Variants in OTOF observed in about 807,000 individuals in gnomAD.
The protein encoded by OTOF is fer-1-like family member 2.
Under a neutral mutation model 236.8 loss-of-function variants are expected in OTOF, and 218 were observed. The observed-to-expected ratio is 0.92, with a 90% CI of 0.82 to 1.03. The LOEUF (loss-of-function observed/expected upper bound fraction) is 1.03. OTOF is among the 50% of genes least tolerant of loss of function. OTOF has a pLI of 0.00. For synonymous variants in OTOF, 1,041 were observed against 1,072.5 expected (o/e 0.97, Z 0.57); for missense variants, 2,590 against 2,694.4 (o/e 0.96, Z 0.86).
chr2:26,489,839 CA>C, intron 9 of OTOF, 99 bp from the exon 10 acceptor site: 1 of 891,926 alleles, frequency 1.1e-6, no homozygotes, highest in South Asian at 1.4e-5. Context: ...GTCTGCACCC[CA>C]GACATTTGCC....
intron 2 of OTOF, among the ~76,000 whole-genome samples, chr2:26,535,672 G>A (rs936319368): frequency 1.3e-5 from 2 of 152,106 alleles, no homozygotes; most frequent in African/African-American, 4.8e-5. Flanking sequence ...ACTGACTCTG[G>A]CTACCCCATC....
At chr2:26,540,120 G>T (rs1400407126) in intron 1 of OTOF, among the ~76,000 whole-genome samples, 1 of 152,176 alleles carries the variant, frequency 6.6e-6, no homozygotes, top group Non-Finnish European at 1.5e-5. Context: ...TTTTAGTAGA[G>T]ATGGGGTTTC....
At chr2:26,544,613 G>A (rs549560839) in intron 1 of OTOF, among the ~76,000 whole-genome samples, 20 of 152,164 alleles carry the variant, frequency 1.3e-4, no homozygotes, top group Non-Finnish European at 2.6e-4. Flanking sequence ...GTGCTTCTAG[G>A]GTTGGGCTAT....
chr2:26,495,090 G>C lies in OTOF; in HGVS notation c.766-17C>G, dbSNP rs1026247094. 1.2e-6 allele frequency: 2 copies of C among 1,613,990 alleles called. No homozygotes were observed. Among genetic ancestry groups the C allele is most frequent in the African/African-American group, 1.3e-5 (1 of 75,042 alleles). On this transcript the variant is annotated splice_polypyrimidine_tract_variant and intron_variant, in intron 8 of 46. Transcript: ENST00000272371. ...GATGCTGACCTGCAGGCAGGAGAAG[G>C]GGGAGCCAGAAGGAAAGCTGCCTGA...
chr2:26,459,814 C>T (rs552294147), intron 46 of OTOF, among the ~76,000 whole-genome samples, 194 bp downstream of exon 46: 8 of 152,220 alleles, frequency 5.3e-5, no homozygotes, highest in African/African-American at 1.9e-4. Flanking sequence ...TTTGTGTGGG[C>T]TTAAGTGTGT....
intron 2 of OTOF, 99 bp downstream of exon 2, chr2:26,537,617 T>C: frequency 1.1e-6 from 1 of 900,864 alleles, no homozygotes; most frequent in South Asian, 1.4e-5. Flanking sequence ...GGCCAGTGCC[T>C]GGGATTTGGG....
chr2:26,552,099 A>C (rs1055165608), intron 1 of OTOF, among the ~76,000 whole-genome samples: 21 of 151,008 alleles, frequency 1.4e-4, no homozygotes, highest in African/African-American at 4.9e-4. Context: ...GTTAAAAAAA[A>C]AAAAAAAAGG....
At chr2:26,485,461 G>C (rs1226931997) in intron 11 of OTOF, among the ~76,000 whole-genome samples, 1 of 152,170 alleles carries the variant, frequency 6.6e-6, no homozygotes, top group Non-Finnish European at 1.5e-5. Context: ...CTAAAGACAG[G>C]GATTGTCAGT....
chr2:26,555,782 T>C (rs925837274), intron 1 of OTOF, among the ~76,000 whole-genome samples: 2 of 152,068 alleles, frequency 1.3e-5, no homozygotes, highest in Non-Finnish European at 2.9e-5. Flanking sequence ...GGAGAGAAGA[T>C]ACCTCAGGGG....
chr2:26,483,601 C>A lies in OTOF; in HGVS notation c.1253G>T (p.Arg418Leu). 1.2e-6 allele frequency: 2 copies of A among 1,613,488 alleles called. No individual in the cohort carries two copies. Among genetic ancestry groups the A allele is most frequent in the Non-Finnish European group, 1.7e-6 (2 of 1,180,010 alleles). The change falls in exon 13 of 47, where the codon CGG (arginine) becomes CTG (leucine). Residue 418 changes from arginine to leucine, a missense_variant. Around this residue, in one of 2 missense-constraint regions of OTOF, gnomAD observed 1,379 missense variants for 1,341.6 expected, o/e 1.03. Coordinates refer to ENST00000272371, the MANE Select transcript of OTOF (RefSeq NM_194248.3). The stretch of plus-strand genomic sequence containing the variant: ...TGCTCGGTAAATTTTCACATAGAAC[C>A]GGGCCCACTGGCGTTCGGGGGGCAC... The part of the protein sequence containing the change: ...EGVPPERQWA[R>L]FYVKIYRAEG...
chr2:26,512,142 G>C (rs1666406995), intron 5 of OTOF, among the ~76,000 whole-genome samples: 1 of 152,232 alleles, frequency 6.6e-6, no homozygotes, highest in Non-Finnish European at 1.5e-5. Flanking sequence ...CAGCAGAAGA[G>C]GGTTTGGGCA....
Position 26,471,903 on chromosome 2 carries a change from A to C in OTOF, c.3864+616T>G, listed in dbSNP as rs550586916. ...AGCGCACATGCACACATATATGCAT[A>C]TATACCACACTCATGCACATTTACC... On this transcript the variant is annotated intron_variant, in intron 30 of 46. Coordinates refer to ENST00000272371, the MANE Select transcript of OTOF (RefSeq NM_194248.3). Among the ~76,000 whole-genome samples, 14 of 151,804 alleles carry C rather than the reference A, an allele frequency of 9.2e-5. No homozygotes were observed. In the East Asian group the frequency reaches 2.7e-3, roughly 30 times the overall value.
chr2:26,554,111 C>T (rs1667529040), intron 1 of OTOF, among the ~76,000 whole-genome samples: 1 of 136,044 alleles, frequency 7.4e-6, no homozygotes, highest in Non-Finnish European at 1.5e-5. Flanking sequence ...CTGGAGGTTG[C>T]AGTGAGCCGA....
At chr2:26,520,803 G>A (rs1443684631) in intron 3 of OTOF, among the ~76,000 whole-genome samples, 2 of 152,178 alleles carry the variant, frequency 1.3e-5, no homozygotes, top group African/African-American at 2.4e-5. Context: ...CCACGGGCAC[G>A]AAAAAATACA....
chr2:26,489,805 G>A, intron 9 of OTOF, 65 bp from the exon 10 acceptor site: 1 of 1,269,568 alleles, frequency 7.9e-7, no homozygotes, highest in East Asian at 2.3e-5. Flanking sequence ...GGCAGTGTTG[G>A]GCCCCTCCCT....
In OTOF at chr2:26,460,818, C is replaced by G. The variant is rs2148018024; in HGVS notation, c.5712+34G>C. The G allele has an allele frequency of 6.2e-7, 1 of 1,613,960 alleles. No individual in the cohort carries two copies. On this transcript the variant is annotated intron_variant, in intron 44 of 46. Transcript: ENST00000272371. The surrounding 1 kb of genome is among the most constrained non-coding windows in gnomAD (Gnocchi z 5.3). ...CCTTGGCACCCCAGCCAGTCCCAGC[C>G]CTGCCTACTGCCCGAGCAGGAAGGG...
At chr2:26,549,242 A>G (rs2148133913) in intron 1 of OTOF, among the ~76,000 whole-genome samples, 1 of 152,338 alleles carries the variant, frequency 6.6e-6, no homozygotes, top group South Asian at 2.1e-4. Context: ...GTCAGAGAAC[A>G]TACTCTGTAA....
chr2:26,542,918 G>A (rs1326771742), intron 1 of OTOF, among the ~76,000 whole-genome samples: 1 of 152,190 alleles, frequency 6.6e-6, no homozygotes, highest in Non-Finnish European at 1.5e-5. Context: ...AGCAGTGCCT[G>A]CCATTGCTAT....
chr2:26,490,205 C>T (rs1177443786), intron 9 of OTOF, among the ~76,000 whole-genome samples: 2 of 152,220 alleles, frequency 1.3e-5, no homozygotes, highest in Non-Finnish European at 2.9e-5. Flanking sequence ...GACAGTGTAA[C>T]ATATTTTACC....
Sources: gnomAD v4.1 joint callset for allele counts (sites outside exome capture counted in the v4.1 genomes callset) on GRCh38, gnomAD v4.1.1 for gene constraint, gnomAD v4.1.1 regional missense constraint, Gnocchi (gnomAD v3.1) non-coding constraint, MANE v1.5 for transcripts, NCBI Gene and HGNC (gene_info 2026-07-23, HGNC 2026-07-21) for gene names.